SLC5A8: variants seen among roughly 807,000 people sequenced by gnomAD.
The protein encoded by SLC5A8 is solute carrier family 5 member 8, also known as sodium-coupled monocarboxylate transporter 1.
A neutral mutation model predicts 71.9 loss-of-function variants in SLC5A8; 55 were observed. The observed-to-expected ratio is 0.77, with a 90% CI of 0.62 to 0.96. The LOEUF (loss-of-function observed/expected upper bound fraction) is 0.96, where lower values mean the gene tolerates loss of function less well. Among genes scored for constraint, SLC5A8 ranks in the 40% least tolerant of loss-of-function variants. The pLI is 0.00. For synonymous variants in SLC5A8, 307 were observed against 276.1 expected, an observed-to-expected ratio of 1.11 and a Z score of -1.11; for missense variants, 701 against 745.3, an observed-to-expected ratio of 0.94 and a Z score of 0.69.
rs375202408 is a variant in SLC5A8 at position 101,168,197 on chromosome 12, C to T, written c.1234-15G>A. The T allele has an allele frequency of 3.0e-4, 469 of 1,583,076 alleles. 5 individuals are homozygous for T. The South Asian group carries it at 5.1e-3, about 17-fold the overall frequency. ...CTGAGTGCTGCCTACAAAAATAATACAACGTCAGCAATTAGCAATCTCAAA... is the reference window on the plus strand; with the variant it reads ...CTGAGTGCTGCCTACAAAAATAATATAACGTCAGCAATTAGCAATCTCAAA... On this transcript the variant is annotated splice_polypyrimidine_tract_variant and intron_variant, in intron 10 of 14. Transcript: ENST00000536262.
intron 10 of SLC5A8, among the ~76,000 whole-genome samples, chr12:101,179,440 C>A (rs1350587647): frequency 6.6e-6 from 1 of 152,168 alleles, no homozygotes; most frequent in African/African-American, 2.4e-5. Context: ...GTGATACATC[C>A]CTACCAGAGA....
intron 2 of SLC5A8, among the ~76,000 whole-genome samples, chr12:101,202,874 C>G (rs1366412235): frequency 6.6e-6 from 1 of 151,978 alleles, no homozygotes; most frequent in Non-Finnish European, 1.5e-5. Flanking sequence ...TCAAATATAT[C>G]CCATAAAAGC....
intron 3 of SLC5A8, among the ~76,000 whole-genome samples, chr12:101,197,450 T>A (rs1249944237): frequency 2.0e-5 from 3 of 151,898 alleles, no homozygotes; most frequent in Non-Finnish European, 4.4e-5. Flanking sequence ...TGAAGTGGAG[T>A]CTGAAAAAGA....
At chr12:101,157,751 A>G (rs1355108078) in intron 14 of SLC5A8, among the ~76,000 whole-genome samples, 2 of 152,202 alleles carry the variant, frequency 1.3e-5, no homozygotes, top group Non-Finnish European at 2.9e-5. Context: ...GGATAGACAG[A>G]TATAGAGAGA....
chr12:101,202,104 AG>A lies in SLC5A8; in HGVS notation c.469+59del, dbSNP rs1441705277. On this transcript the variant is annotated intron_variant, in intron 3 of 14. Transcript: ENST00000536262. ...TCCCCATCTCCCCAAGGAGAAAATA[AG>A]GCTTGTTGAAAGTGAACCCCAAAAT... The A allele has an allele frequency of 1.4e-5, 21 of 1,502,866 alleles. No homozygotes were observed. The Admixed American group carries it at 1.7e-4, about 12-fold the overall frequency. 93.1% of individuals were successfully genotyped at this position (1,502,866 alleles called of 1,614,324 possible).
At position 101,199,691 on chromosome 12, in the gene SLC5A8, A is replaced by G. The variant is rs1364094690; in HGVS notation, c.469+2473T>C. 5.3e-5 allele frequency among the ~76,000 whole-genome samples: 8 copies of G among 152,106 alleles called. No individual in the cohort carries two copies. In the East Asian group the frequency reaches 1.2e-3, roughly 22 times the overall value. ...GATGTGGAATGACTAGAATTCTCACATATTGCGTAGTGGACATGGAAAACG... is the reference window on the plus strand; with the variant it reads ...GATGTGGAATGACTAGAATTCTCACGTATTGCGTAGTGGACATGGAAAACG... On this transcript the variant is annotated intron_variant, in intron 3 of 14. Transcript: ENST00000536262.
At position 101,187,423 on chromosome 12, in the gene SLC5A8, T is replaced by A. The variant is rs574416360; in HGVS notation, c.926A>T (p.Asp309Val). ...LALYSRYHDC[D>V]PWTAKKVSAP... ...AGACACTTTCTTGGCTGTCCAAGGA[T>A]CACAGTCATGGTACCTGGAATATAG... is the stretch of plus-strand genomic sequence containing the variant. Residue 309 changes from aspartate to valine, a missense_variant, in exon 7 of 15, where the codon GAT becomes GTT. Transcript: ENST00000536262. The A allele has an allele frequency of 2.5e-6, 4 of 1,613,942 alleles. No individual in the cohort carries two copies. In the South Asian group the frequency reaches 4.4e-5, roughly 18 times the overall value.
At chr12:101,196,162 C>A (rs535837814) in intron 3 of SLC5A8, among the ~76,000 whole-genome samples, 1 of 152,198 alleles carries the variant, frequency 6.6e-6, no homozygotes, top group South Asian at 2.1e-4. Flanking sequence ...TCCCTCCTCC[C>A]ACCTTCCACC....
intron 3 of SLC5A8, among the ~76,000 whole-genome samples, chr12:101,198,092 A>C (rs1869270386): frequency 6.6e-6 from 1 of 152,040 alleles, no homozygotes; most frequent in Admixed American, 6.5e-5. Flanking sequence ...GGCAAAAGAA[A>C]TCACAGGAGA....
intron 11 of SLC5A8, 47 bp downstream of exon 11, chr12:101,168,049 T>C (rs2051789728): frequency 6.6e-7 from 1 of 1,523,460 alleles, no homozygotes. Context: ...GAGCTGCTAG[T>C]ATAGTTCAAA....
At chr12:101,173,305 G>T (rs752690815) in intron 10 of SLC5A8, among the ~76,000 whole-genome samples, 1 of 152,194 alleles carries the variant, frequency 6.6e-6, no homozygotes, top group Non-Finnish European at 1.5e-5. Flanking sequence ...CTTTGAGCAG[G>T]CTTTGAATTT....
intron 10 of SLC5A8, among the ~76,000 whole-genome samples, chr12:101,176,629 A>C (rs1029124601): frequency 2.6e-5 from 4 of 152,118 alleles, no homozygotes; most frequent in Admixed American, 2.0e-4. Flanking sequence ...TCAATAACAG[A>C]AAGATAACAG....
intron 1 of SLC5A8, among the ~76,000 whole-genome samples, chr12:101,209,280 G>T (rs1869809952): frequency 6.6e-6 from 1 of 152,118 alleles, no homozygotes; most frequent in African/African-American, 2.4e-5. Context: ...TAAATCCCAA[G>T]AATTTTTTCA....
In SLC5A8 at chr12:101,156,367, CA is replaced by C. The variant is rs2051662056; in HGVS notation, c.*911del. ...TCATCAAGTCCATAAATACCTACAT[CA>C]AGTATATGTTAGTACCAAGCTAATG... On this transcript the variant is annotated 3_prime_UTR_variant, in exon 15 of 15. Coordinates refer to ENST00000536262, the MANE Select transcript of SLC5A8 (RefSeq NM_145913.5). The C allele has an allele frequency of 6.6e-6, 1 of 152,082 alleles. No homozygotes were observed. The highest frequency in any genetic ancestry group is 2.1e-4 in the South Asian group (1 of 4,822). 9.4% of individuals were successfully genotyped at this position (152,082 alleles called of 1,614,324 possible).
intron 6 of SLC5A8, among the ~76,000 whole-genome samples, chr12:101,189,171 T>C (rs998052299): frequency 1.3e-5 from 2 of 152,210 alleles, no homozygotes; most frequent in Non-Finnish European, 2.9e-5. Flanking sequence ...GAAGAAGAGC[T>C]TGTCCACAAT....
chr12:101,192,868 T>G (rs1197742157), intron 5 of SLC5A8, among the ~76,000 whole-genome samples: 1 of 151,688 alleles, frequency 6.6e-6, no homozygotes, highest in African/African-American at 2.4e-5. Context: ...ATTGTCAAAA[T>G]GAAATCACTG....
At chr12:101,173,083 C>T (rs976857362) in intron 10 of SLC5A8, among the ~76,000 whole-genome samples, 2 of 152,200 alleles carry the variant, frequency 1.3e-5, no homozygotes, top group African/African-American at 2.4e-5. Context: ...GCCACTGCAG[C>T]GGACTGCAGG....
intron 1 of SLC5A8, among the ~76,000 whole-genome samples, chr12:101,208,056 T>C (rs1869746572): frequency 6.6e-6 from 1 of 151,996 alleles, no homozygotes; most frequent in Non-Finnish European, 1.5e-5. Context: ...AAAGAAGTCA[T>C]AGTCTGAAAT....
At chr12:101,163,495 C>G (rs1356442172) in intron 12 of SLC5A8, among the ~76,000 whole-genome samples, 2 of 151,934 alleles carry the variant, frequency 1.3e-5, no homozygotes, top group African/African-American at 4.8e-5. Flanking sequence ...TCTGGCCAAC[C>G]TGGTGAAACC....
Sources: gnomAD v4.1 joint callset for allele counts (sites outside exome capture counted in the v4.1 genomes callset) on GRCh38, gnomAD v4.1.1 for gene constraint, MANE v1.5 for transcripts, NCBI Gene and HGNC (gene_info 2026-07-23, HGNC 2026-07-21) for gene names.